The following COL4A1 variants were observed in gnomAD, a reference collection of about 807,000 sequenced individuals.
COL4A1 encodes the protein collagen alpha-1(IV) chain.
In COL4A1, 40 loss-of-function variants were observed where a neutral mutation model predicts 216.6. The ratio of observed to expected loss-of-function variants is 0.18; its 90% confidence interval spans 0.14 to 0.24. The LOEUF (loss-of-function observed/expected upper bound fraction) is 0.24. Ranked by LOEUF, COL4A1 falls within the 10% of genes least tolerant of loss-of-function variation. COL4A1 has a pLI of 1.00. For missense variants in COL4A1, 1,628 were observed against 2,196.8 expected (o/e 0.74, Z 5.18); for synonymous variants, 839 against 810.7 (o/e 1.03, Z -0.59).
intron 1 of COL4A1, among the ~76,000 whole-genome samples, chr13:110,287,543 G>A (rs1013585312): frequency 7.9e-5 from 12 of 152,166 alleles, no homozygotes; most frequent in Non-Finnish European, 1.3e-4. Context: ...TCATTGTATC[G>A]GATGAACTCT....
At chr13:110,262,882 G>A (rs1882884200) in intron 1 of COL4A1, among the ~76,000 whole-genome samples, 1 of 152,134 alleles carries the variant, frequency 6.6e-6, no homozygotes, top group South Asian at 2.1e-4. Context: ...GGGCTGCAAG[G>A]AGTCCATCAA....
intron 40 of COL4A1, among the ~76,000 whole-genome samples, chr13:110,173,094 C>G (rs1358995886): frequency 1.3e-5 from 2 of 152,154 alleles, no homozygotes; most frequent in East Asian, 3.9e-4. Flanking sequence ...CAACCATCCA[C>G]TAATTGCTAT....
intron 1 of COL4A1, among the ~76,000 whole-genome samples, chr13:110,285,195 A>G (rs1167545608): frequency 6.6e-6 from 1 of 152,250 alleles, no homozygotes; most frequent in African/African-American, 2.4e-5. Context: ...ATTTTTATTA[A>G]AATGTTGAAG....
intron 2 of COL4A1, among the ~76,000 whole-genome samples, chr13:110,219,866 GTGTGTATATA>G (rs1195608149): frequency 9.0e-5 from 6 of 66,620 alleles, no homozygotes; most frequent in East Asian, 2.9e-4. Context: ...GTATATATGT[GTGTGTATATA>G]TGTATATATA....
At chr13:110,247,932 G>A (rs1881902414) in intron 1 of COL4A1, among the ~76,000 whole-genome samples, 1 of 151,324 alleles carries the variant, frequency 6.6e-6, no homozygotes. Context: ...TTTGGAATGA[G>A]TTAAACAGGA....
At chr13:110,298,858 T>TG (rs1884382114) in intron 1 of COL4A1, 1 of 152,222 alleles carries the variant, frequency 6.6e-6, no homozygotes, top group Non-Finnish European at 1.5e-5. Context: ...TGAAAGCAGA[T>TG]CAGTTCTGAG....
At chr13:110,190,338 A>T (rs1878574031) in intron 24 of COL4A1, among the ~76,000 whole-genome samples, 1 of 152,138 alleles carries the variant, frequency 6.6e-6, no homozygotes, top group African/African-American at 2.4e-5. Flanking sequence ...ATTGGAGAAA[A>T]TCTGACACCT....
rs915818269 is a variant in COL4A1, at chr13:110,195,213, AT to A, written c.1286-96del. 2.7e-5 allele frequency: 27 copies of A among 988,090 alleles called. No individual in the cohort carries two copies. The Admixed American group carries it at 5.1e-4, about 19-fold the overall frequency. 61.2% of individuals were successfully genotyped at this position (988,090 alleles called of 1,614,324 possible). ...TTATAAAACCAAAATATTTTAGGCT[AT>A]TTGACAAGTGTTAGAAATTCAGCTT... is the stretch of plus-strand genomic sequence containing the variant. On this transcript the variant is annotated intron_variant, in intron 21 of 51. Transcript: ENST00000375820.
intron 1 of COL4A1, among the ~76,000 whole-genome samples, chr13:110,299,122 G>T (rs76494909): frequency 0.023 from 3,452 of 152,320 alleles, 68 homozygotes; most frequent in South Asian, 0.056. Context: ...CAAAGAGAAC[G>T]GGGAGGGCCA....
chr13:110,172,784 G>A lies in COL4A1; in HGVS notation c.3506-14C>T. 6.2e-7 allele frequency: 1 copy of A among 1,612,388 alleles called. No homozygotes were observed. The highest frequency in any genetic ancestry group is 2.2e-5 in the East Asian group (1 of 44,882). On this transcript the variant is annotated splice_polypyrimidine_tract_variant and intron_variant, in intron 40 of 51. Coordinates refer to ENST00000375820, the MANE Select transcript of COL4A1 (RefSeq NM_001845.6). Reference sequence around the variant, plus strand: ...TTCCTGGTAGACCTATAAGATGAGGGTAAAATGCCACGTTTCTCTTTACTT... The same window carrying A: ...TTCCTGGTAGACCTATAAGATGAGGATAAAATGCCACGTTTCTCTTTACTT...
intron 2 of COL4A1, among the ~76,000 whole-genome samples, chr13:110,220,728 G>GA (rs1299252803): frequency 1.3e-5 from 2 of 152,140 alleles, no homozygotes; most frequent in African/African-American, 4.8e-5. Flanking sequence ...CAAGGCTGCC[G>GA]ATGATGGAGA....
intron 8 of COL4A1, among the ~76,000 whole-genome samples, chr13:110,210,539 C>T (rs772296019): frequency 2.0e-5 from 3 of 152,136 alleles, no homozygotes; most frequent in Non-Finnish European, 2.9e-5. Context: ...AAGACTACTG[C>T]GTGACCACAG....
At chr13:110,273,841 A>G (rs1354726934) in intron 1 of COL4A1, among the ~76,000 whole-genome samples, 1 of 152,184 alleles carries the variant, frequency 6.6e-6, no homozygotes, top group African/African-American at 2.4e-5. Context: ...TCAGGGTTGC[A>G]GACGCGCATC....
chr13:110,252,115 C>G (rs1471751888), intron 1 of COL4A1, among the ~76,000 whole-genome samples: 1 of 152,082 alleles, frequency 6.6e-6, no homozygotes, highest in African/African-American at 2.4e-5. Flanking sequence ...CCTCCCTCTC[C>G]CGGGTTCAGG....
At chr13:110,170,888 C>A (rs1200030779) in intron 41 of COL4A1, among the ~76,000 whole-genome samples, 156 bp from the exon 42 acceptor site, 2 of 152,222 alleles carry the variant, frequency 1.3e-5, no homozygotes, top group African/African-American at 4.8e-5. Flanking sequence ...AGCAAGGGCT[C>A]CGATCCCTCC....
intron 26 of COL4A1, among the ~76,000 whole-genome samples, chr13:110,185,237 C>T (rs1172187177): frequency 6.6e-6 from 1 of 152,070 alleles, no homozygotes; most frequent in Non-Finnish European, 1.5e-5. Flanking sequence ...CCTCTGCCTC[C>T]CGGGTTCAAG....
chr13:110,306,249 C>T (rs1012782958), intron 1 of COL4A1, among the ~76,000 whole-genome samples: 3 of 152,142 alleles, frequency 2.0e-5, no homozygotes, highest in African/African-American at 7.2e-5. Context: ...TGGAGTTTCA[C>T]TTTGGTTTCA....
At chr13:110,241,665 A>G (rs1881573787) in intron 2 of COL4A1, among the ~76,000 whole-genome samples, 1 of 152,256 alleles carries the variant, frequency 6.6e-6, no homozygotes, top group African/African-American at 2.4e-5. Context: ...TTCAAAAACT[A>G]TCCAGGTAAC....
chr13:110,287,141 G>A (rs1883874099), intron 1 of COL4A1, among the ~76,000 whole-genome samples: 1 of 152,204 alleles, frequency 6.6e-6, no homozygotes, highest in African/African-American at 2.4e-5. Context: ...AGGGCTGCAA[G>A]GCCAAGCCAC....
Sources: allele counts gnomAD v4.1 joint callset (sites outside exome capture counted in the v4.1 genomes callset), GRCh38; gene constraint gnomAD v4.1.1; transcripts MANE v1.5; gene names NCBI Gene and HGNC (gene_info 2026-07-23, HGNC 2026-07-21).